The following HEPH variants were observed in gnomAD, a reference collection of about 807,000 sequenced individuals.
HEPH encodes hephaestin.
Under a neutral mutation model 80.8 loss-of-function variants are expected in HEPH, and 69 were observed. The ratio of observed to expected loss-of-function variants is 0.85; its 90% confidence interval spans 0.70 to 1.04. The LOEUF (loss-of-function observed/expected upper bound fraction) is 1.04. Ranked by LOEUF, HEPH falls within the 50% of genes least tolerant of loss-of-function variation. The probability of loss-of-function intolerance (pLI) is 0.00; values close to 1 mark genes in which losing one functional copy is unlikely to be tolerated. For missense variants in HEPH, 1,115 were observed against 891.3 expected (o/e 1.25, Z -3.20); for synonymous variants, 431 against 322.8 (o/e 1.34, Z -3.60).
At chrX:66,183,144 A>C (rs1314968880) in intron 4 of HEPH, among the ~76,000 whole-genome samples, 1 of 12,604 alleles carries the variant, frequency 7.9e-5, no homozygotes. Flanking sequence ...TTCATCAAGG[A>C]TATTGGTCTA....
intron 4 of HEPH, among the ~76,000 whole-genome samples, chrX:66,180,852 C>T (rs1319496469): frequency 1.5e-5 from 1 of 65,997 alleles, no homozygotes; most frequent in East Asian, 5.6e-4. Context: ...CCCCCCTCCC[C>T]CGACCCCACC....
At chrX:66,250,890 C>T (rs1010764304) in intron 15 of HEPH, among the ~76,000 whole-genome samples, 1 of 111,449 alleles carries the variant, frequency 9.0e-6, no homozygotes, top group Non-Finnish European at 1.9e-5. Flanking sequence ...TGTATAGAGG[C>T]ATTGATTGAT....
At chrX:66,211,400 A>G (rs770872994) in intron 15 of HEPH, among the ~76,000 whole-genome samples, 2 of 111,588 alleles carry the variant, frequency 1.8e-5, no homozygotes, top group Non-Finnish European at 3.8e-5. Context: ...AAGTATAGTA[A>G]TCTTAATCTG....
intron 15 of HEPH, among the ~76,000 whole-genome samples, chrX:66,222,970 CT>C (rs2089717110): frequency 9.0e-6 from 1 of 111,398 alleles, no homozygotes; most frequent in African/African-American, 3.3e-5. Context: ...GGGTTTTCCC[CT>C]GAGACTGCAG....
At chrX:66,220,924 G>A (rs1023696462) in intron 15 of HEPH, among the ~76,000 whole-genome samples, 3 of 110,474 alleles carry the variant, frequency 2.7e-5, no homozygotes, top group Admixed American at 9.6e-5. Flanking sequence ...TTAGATTCCC[G>A]GTACACTTAT....
At chrX:66,218,286 C>A (rs1472667524) in intron 15 of HEPH, among the ~76,000 whole-genome samples, 1 of 111,491 alleles carries the variant, frequency 9.0e-6, no homozygotes, top group East Asian at 2.8e-4. Flanking sequence ...TAGACAAAGT[C>A]CAAGATAGAC....
rs1476787475 is a variant in HEPH, at chrX:66,267,230, G to A, written c.*558G>A. The A allele has an allele frequency of 8.8e-6, 1 of 113,581 alleles. No homozygotes were observed. The highest frequency in any genetic ancestry group is 1.8e-5 in the Non-Finnish European group (1 of 54,094). The allele number at this position is 113,581 out of a possible 1,213,427, so 9.4% of individuals were successfully genotyped here. ...ACTTTGAAGAAGTGGTCAATGGGTT[G>A]TTGCTGCCATGAGCATGTACAACCT... On this transcript the variant is annotated 3_prime_UTR_variant, in exon 21 of 21. Transcript: ENST00000343002.
intron 15 of HEPH, among the ~76,000 whole-genome samples, chrX:66,218,725 C>A (rs140275321): frequency 9.0e-6 from 1 of 110,723 alleles, no homozygotes; most frequent in South Asian, 3.9e-4. Flanking sequence ...ATGAGAGGGT[C>A]GTGATCGATT....
chrX:66,202,988 G>A (rs1041401118), intron 12 of HEPH, among the ~76,000 whole-genome samples: 4 of 100,082 alleles, frequency 4.0e-5, no homozygotes, highest in Non-Finnish European at 6.0e-5. Flanking sequence ...ATATATATAT[G>A]ATTTATATAT....
chrX:66,237,310 A>ACCTTT (rs2090401568), intron 15 of HEPH, among the ~76,000 whole-genome samples: 3 of 111,619 alleles, frequency 2.7e-5, no homozygotes, highest in African/African-American at 9.8e-5. Context: ...GCTGTGTCCC[A>ACCTTT]GAGATTCTGT....
At chrX:66,259,578 A>T (rs897552960) in intron 18 of HEPH, among the ~76,000 whole-genome samples, 2 of 112,287 alleles carry the variant, frequency 1.8e-5, no homozygotes, top group African/African-American at 6.5e-5. Flanking sequence ...GCTGAAAATT[A>T]TAAAGATACT....
intron 15 of HEPH, among the ~76,000 whole-genome samples, chrX:66,234,079 A>G (rs139205768): frequency 4.5e-5 from 5 of 109,964 alleles, no homozygotes; most frequent in Non-Finnish European, 9.5e-5. Flanking sequence ...ACATTTGAGT[A>G]AGCTCCAGTG....
Position 66,173,726 on chromosome X carries a change from A to T in HEPH, c.550A>T (p.Ile184Phe). 8.3e-7 allele frequency: 1 copy of T among 1,209,023 alleles called. No homozygotes were observed. ...TDADPACLTWIYHSHVDAPRD... is the reference protein window; with the variant it reads ...TDADPACLTWFYHSHVDAPRD... ...TGCTGACCCAGCGTGCCTCACCTGG[A>T]TCTACCATTCTCATGTAGATGCTCC... The change falls in exon 4 of 21, where the codon ATC becomes TTC. Residue 184 changes from isoleucine (I) to phenylalanine (F), a missense_variant. Coordinates refer to ENST00000343002, the MANE Select transcript of HEPH (RefSeq NM_001367233.3).
intron 1 of HEPH, among the ~76,000 whole-genome samples, chrX:66,167,204 G>A (rs1247972329): frequency 8.9e-6 from 1 of 111,971 alleles, no homozygotes; most frequent in African/African-American, 3.2e-5. Context: ...ATGCAAAATC[G>A]AGTAAGTATT....
At chrX:66,239,652 G>A (rs774850531) in intron 15 of HEPH, among the ~76,000 whole-genome samples, 10 of 111,749 alleles carry the variant, frequency 8.9e-5, no homozygotes, top group Non-Finnish European at 1.7e-4. Context: ...GCAGGATCTA[G>A]ACCCTGACCT....
chrX:66,262,921 G>A (rs1157968445), intron 19 of HEPH, among the ~76,000 whole-genome samples: 5 of 111,498 alleles, frequency 4.5e-5, no homozygotes, highest in African/African-American at 1.6e-4. Flanking sequence ...AGGTTAATGT[G>A]ACCATGGGAG....
intron 15 of HEPH, among the ~76,000 whole-genome samples, chrX:66,216,194 G>A (rs1252739828): frequency 2.7e-5 from 3 of 111,274 alleles, no homozygotes; most frequent in South Asian, 3.8e-4. Context: ...ATCCAAAGGC[G>A]ACCCTATGAG....
At chrX:66,236,087 T>G (rs1379641637) in intron 15 of HEPH, among the ~76,000 whole-genome samples, 1 of 111,716 alleles carries the variant, frequency 9.0e-6, no homozygotes, top group Non-Finnish European at 1.9e-5. Flanking sequence ...TTCCTATTCA[T>G]ATTCCCTTTT....
At chrX:66,170,312 C>T (rs1008574954) in intron 1 of HEPH, 21 of 299,176 alleles carry the variant, frequency 7.0e-5, no homozygotes, top group Non-Finnish European at 1.2e-4. Flanking sequence ...CCAGATCTCT[C>T]TTCTGAAGGA....
Sources: gnomAD v4.1 joint callset for allele counts (sites outside exome capture counted in the v4.1 genomes callset) on GRCh38, gnomAD v4.1.1 for gene constraint, MANE v1.5 for transcripts, NCBI Gene and HGNC (gene_info 2026-07-23, HGNC 2026-07-21) for gene names.